UTS2B: variants seen among roughly 807,000 people sequenced by gnomAD.
The protein encoded by UTS2B is urotensin-2B.
In UTS2B, 21 loss-of-function variants were observed where a neutral mutation model predicts 19.2. The ratio of observed to expected loss-of-function variants is 1.09; its 90% confidence interval spans 0.78 to 1.58. The LOEUF (loss-of-function observed/expected upper bound fraction) is 1.58. UTS2B is among the 40% of genes most tolerant of loss of function. UTS2B has a pLI of 0.00. For missense variants in UTS2B, 138 were observed against 130.3 expected, an observed-to-expected ratio of 1.06 and a Z score of -0.29; for synonymous variants, 57 against 50.2, an observed-to-expected ratio of 1.14 and a Z score of -0.58.
chr3:191,289,821 T>A (rs1716665033), intron 4 of UTS2B, among the ~76,000 whole-genome samples: 1 of 152,158 alleles, frequency 6.6e-6, no homozygotes, highest in African/African-American at 2.4e-5. Context: ...AAGAGATGTT[T>A]AAAAGACACA....
chr3:191,297,426 A>G (rs141744590), intron 4 of UTS2B, among the ~76,000 whole-genome samples: 1 of 152,280 alleles, frequency 6.6e-6, no homozygotes, highest in East Asian at 1.9e-4. Flanking sequence ...TTTATACTTC[A>G]TTTAGCCTAC....
rs1007075364 is a variant in UTS2B, at chr3:191,275,325, C to T, written c.261G>A (p.Gln87=). The T allele has an allele frequency of 5.6e-6, 9 of 1,613,594 alleles. No homozygotes were observed. Among genetic ancestry groups the T allele is most frequent in the Non-Finnish European group, 7.6e-6 (9 of 1,179,622 alleles). Residue 87 remains glutamine, a synonymous_variant, in exon 8 of 9, where the codon CAG becomes CAA. Coordinates refer to ENST00000340524, the MANE Select transcript of UTS2B (RefSeq NM_198152.5). The part of the protein sequence containing the change: ...ELNQLEKLKE[Q]LVEEKDSETS... ...TCTCAGAATCCTTCTCCTCCACTAG[C>T]TGTTCTTTTAGCTTTTCCAGCTGAT...
At chr3:191,311,908 G>C (rs545290552) in intron 3 of UTS2B, among the ~76,000 whole-genome samples, 84 of 152,244 alleles carry the variant, frequency 5.5e-4, no homozygotes, top group African/African-American at 1.9e-3. Flanking sequence ...GGGAGGCCAA[G>C]GCAGGTGGAT....
Position 191,282,095 on chromosome 3 carries a change from A to C in UTS2B, c.95T>G (p.Leu32Arg). ...AATTGATATGCACGTACCTTGGGTA[A>C]GATATGGTCGTCCATGCACAGATTG... ...FLQSVHGRPY[L>R]TQGNEIFPDK... The change falls in exon 5 of 9, where the codon CTT (leucine) becomes CGT (arginine). Residue 32 changes from leucine (L) to arginine (R), a missense_variant. Leu to Arg is a moderately radical substitution (Grantham distance 102, BLOSUM62 -2). Transcript: ENST00000340524. The C allele has an allele frequency of 6.2e-7, 1 of 1,609,706 alleles. No individual in the cohort carries two copies. The highest frequency in any genetic ancestry group is 1.7e-5 in the Admixed American group (1 of 59,454).
chr3:191,329,384 G>C, intron 1 of UTS2B: 1 of 393,072 alleles, frequency 2.5e-6, no homozygotes, highest in Non-Finnish European at 4.5e-6. Flanking sequence ...GTACTGGACG[G>C]CCCCGGTCCA....
chr3:191,318,849 A>G (rs1226000588), intron 2 of UTS2B, among the ~76,000 whole-genome samples: 6 of 152,134 alleles, frequency 3.9e-5, no homozygotes, highest in Admixed American at 3.3e-4. Flanking sequence ...CCTTGGGTTG[A>G]AAAAATAGAT....
chr3:191,278,235 C>A, intron 5 of UTS2B, 65 bp from the exon 6 acceptor site: 1 of 823,736 alleles, frequency 1.2e-6, no homozygotes, highest in Non-Finnish European at 1.9e-6. Flanking sequence ...TTAAATTGGT[C>A]TTACAGGCTA....
chr3:191,304,046 T>C (rs1377084365), intron 4 of UTS2B, among the ~76,000 whole-genome samples: 1 of 151,816 alleles, frequency 6.6e-6, no homozygotes, highest in East Asian at 2.0e-4. Context: ...CTCGGCTCAC[T>C]GCAACCTCCG....
At chr3:191,323,994 C>T (rs866627305) in intron 2 of UTS2B, among the ~76,000 whole-genome samples, 2 of 152,132 alleles carry the variant, frequency 1.3e-5, no homozygotes, top group East Asian at 1.9e-4. Flanking sequence ...CCAAAACTCA[C>T]GTTGAAATTT....
At chr3:191,287,625 T>A (rs1252852454) in intron 4 of UTS2B, among the ~76,000 whole-genome samples, 1 of 152,062 alleles carries the variant, frequency 6.6e-6, no homozygotes, top group East Asian at 1.9e-4. Context: ...AAAGCCCCTA[T>A]ATGAAAAACC....
At chr3:191,345,817 C>G in the UTS2B span, among the ~76,000 whole-genome samples, 1 of 152,120 alleles carries the variant, frequency 6.6e-6, no homozygotes, top group Non-Finnish European at 1.5e-5. Flanking sequence ...TTTTACTTTT[C>G]AGAATGATTC....
chr3:191,281,733 T>C (rs533368408), intron 5 of UTS2B, among the ~76,000 whole-genome samples: 25 of 148,924 alleles, frequency 1.7e-4, no homozygotes, highest in Non-Finnish European at 3.1e-4. Context: ...TTCCCCAAGA[T>C]AGAGTTTTGA....
intron 2 of UTS2B, among the ~76,000 whole-genome samples, chr3:191,323,175 C>T (rs919963818): frequency 1.7e-4 from 16 of 95,066 alleles, no homozygotes; most frequent in African/African-American, 9.0e-4. Flanking sequence ...TTGAGACAGA[C>T]TCTCGCTGTC....
chr3:191,314,082 T>A (rs1275841589), intron 3 of UTS2B, among the ~76,000 whole-genome samples: 3 of 152,186 alleles, frequency 2.0e-5, no homozygotes, highest in East Asian at 3.8e-4. Flanking sequence ...TAGCTTTTAA[T>A]AAACTTGCTT....
At chr3:191,343,197 G>A in the UTS2B span, among the ~76,000 whole-genome samples, 1 of 152,168 alleles carries the variant, frequency 6.6e-6, no homozygotes, top group South Asian at 2.1e-4. Flanking sequence ...TCCCCCTCAC[G>A]TATACCCAGG....
rs1251677955 is a variant in UTS2B, at chr3:191,268,376, C to A, written c.*40G>T. 6.7e-7 allele frequency: 1 copy of A among 1,494,896 alleles called. No individual in the cohort carries two copies. 92.6% of individuals were successfully genotyped at this position (1,494,896 alleles called of 1,614,324 possible). On this transcript the variant is annotated 3_prime_UTR_variant, in exon 9 of 9. Coordinates refer to ENST00000340524, the MANE Select transcript of UTS2B (RefSeq NM_198152.5). ...CAGAGTGAGTAGATACATATATTTT[C>A]CTGATATTCTTATCTTTTTTTGCAT...
At chr3:191,310,290 A>G (rs1000723487) in intron 3 of UTS2B, among the ~76,000 whole-genome samples, 7 of 150,674 alleles carry the variant, frequency 4.6e-5, no homozygotes, top group Non-Finnish European at 7.4e-5. Context: ...TTTTATAGCA[A>G]TGTGAGAATG....
intron 2 of UTS2B, 32 bp from the exon 3 acceptor site, chr3:191,316,471 G>C (rs779047192): frequency 1.3e-5 from 2 of 152,330 alleles, no homozygotes; most frequent in Admixed American, 6.5e-5. Flanking sequence ...ATCTCCCACA[G>C]TGTGAAAGTC....
chr3:191,284,252 G>A (rs1026291746), intron 4 of UTS2B, among the ~76,000 whole-genome samples: 2 of 152,094 alleles, frequency 1.3e-5, no homozygotes, highest in African/African-American at 4.8e-5. Flanking sequence ...TCATGGGTAA[G>A]AAGTTTTCCT....
Sources: allele counts gnomAD v4.1 joint callset (sites outside exome capture counted in the v4.1 genomes callset), GRCh38; gene constraint gnomAD v4.1.1; transcripts MANE v1.5; gene names NCBI Gene and HGNC (gene_info 2026-07-23, HGNC 2026-07-21).